TINAGL1: variants seen among roughly 807,000 people sequenced by gnomAD.
TINAGL1 encodes the protein tubulointerstitial nephritis antigen like 1.
TINAGL1 carries 34 observed loss-of-function variants against 62.0 expected under a neutral mutation model. The observed-to-expected ratio is 0.55, with a 90% confidence interval of 0.42 to 0.73. The LOEUF is 0.73. Ranked by LOEUF, TINAGL1 falls within the 30% of genes least tolerant of loss-of-function variation. The pLI, the probability that TINAGL1 is intolerant of heterozygous loss-of-function variation, is 0.00. For synonymous variants in TINAGL1, 221 were observed against 249.7 expected (o/e 0.88, Z 1.08); for missense variants, 516 against 653.2 (o/e 0.79, Z 2.29).
chr1:31,586,508 C>A (rs540740224), intron 10 of TINAGL1: 2 of 637,548 alleles, frequency 3.1e-6, no homozygotes, highest in Admixed American at 2.5e-5. Flanking sequence ...GCCCCACCCC[C>A]TCCCATGCTG....
rs769087943 is a variant in TINAGL1 at position 31,577,427 on chromosome 1, C to T, written c.279C>T (p.Leu93=). 9 of 1,613,126 alleles carry T rather than the reference C, an allele frequency of 5.6e-6. No homozygotes were observed. Among genetic ancestry groups the T allele is most frequent in the Non-Finnish European group, 7.6e-6 (9 of 1,179,564 alleles). The change falls in exon 2 of 12, where the codon CTC becomes CTT. Residue 93 remains leucine (L), a synonymous_variant. Transcript: ENST00000271064. This position sits in a 1 kb window ranked among gnomAD's most constrained non-coding sequence, Gnocchi z 5.4. ...DCCPDFWDFC[L]GVPPPFPPIQ... is the part of the protein sequence containing the mutation. ...GCCCTGACTTCTGGGACTTCTGCCT[C>T]GGCGTGCCACCCCCTTTTCCCCCGA...
rs367871055 is a variant in TINAGL1, at chr1:31,586,666, C to T, written c.1218-44C>T. 224 of 1,553,744 alleles carry T rather than the reference C, an allele frequency of 1.4e-4. 3 individuals are homozygous for T. The African/African-American group carries it at 2.3e-3, about 16-fold the overall frequency. On this transcript the variant is annotated intron_variant, in intron 10 of 11. Transcript: ENST00000271064. ...TTTCCGGGATTGGAGCTCCTGAGAG[C>T]AGGTAGACCCAGCTCCCTTCCCCCT...
chr1:31,578,946 TG>T (rs60732624), intron 2 of TINAGL1, among the ~76,000 whole-genome samples: 1 of 1,104 alleles, frequency 9.1e-4, no homozygotes, highest in East Asian at 2.5e-3. Context: ...AGCTGGTATG[TG>T]TGTGTGTGTG....
chr1:31,580,230 T>TCTCACTG, intron 3 of TINAGL1: 1 of 1,004,016 alleles, frequency 1.0e-6, no homozygotes, highest in Non-Finnish European at 1.3e-6. Context: ...TCTCTCTGTC[T>TCTCACTG]CTCTCTGTCT....
At chr1:31,578,018 C>T (rs1003460879) in intron 2 of TINAGL1, 12 of 248,842 alleles carry the variant, frequency 4.8e-5, no homozygotes, top group African/African-American at 1.6e-4. Context: ...TATCTTAGGA[C>T]GGTTGCTTAC....
At position 31,583,282 on chromosome 1, in the gene TINAGL1, T is replaced by TG; in HGVS notation, c.467+41_467+42insG. Reference sequence around the variant, plus strand: ...GGCACCCTCAGTGGGCACACATGCATACTCATGCATGTATACACGCATGCT... The same window carrying TG: ...GGCACCCTCAGTGGGCACACATGCATGACTCATGCATGTATACACGCATGCT... On this transcript the variant is annotated intron_variant, in intron 4 of 11. Coordinates refer to ENST00000271064, the MANE Select transcript of TINAGL1 (RefSeq NM_022164.3). The surrounding 1 kb of genome is among the most constrained non-coding windows in gnomAD (Gnocchi z 4.4). The TG allele has an allele frequency of 5.7e-6, 9 of 1,587,532 alleles. No homozygotes were observed. Among genetic ancestry groups the TG allele is most frequent in the Non-Finnish European group, 7.8e-6 (9 of 1,155,972 alleles).
chr1:31,585,282 G>T lies in TINAGL1; in HGVS notation c.989G>T (p.Ser330Ile). 2 of 1,612,942 alleles carry T rather than the reference G, an allele frequency of 1.2e-6. No individual in the cohort carries two copies. The highest frequency in any genetic ancestry group is 4.5e-5 in the East Asian group (2 of 44,870). ...CAGGCCACTGCCCACTGCCCCAACA[G>T]CTATGTTAATAACAATGACATCTAC... ...KRQATAHCPN[S>I]YVNNNDIYQV... Residue 330 changes from serine (S) to isoleucine (I), a missense_variant, in exon 8 of 12, where the codon AGC (serine) becomes ATC (isoleucine). Coordinates refer to ENST00000271064, the MANE Select transcript of TINAGL1 (RefSeq NM_022164.3). The surrounding 1 kb of genome is among the most constrained non-coding windows in gnomAD (Gnocchi z 4.3).
chr1:31,580,320 C>T (rs1377790801), intron 3 of TINAGL1: 9 of 1,266,556 alleles, frequency 7.1e-6, no homozygotes, highest in Non-Finnish European at 8.2e-6. Flanking sequence ...CTGCTACCAC[C>T]GGCCCTGCCT....
At chr1:31,579,346 C>G in intron 3 of TINAGL1, 79 bp downstream of exon 3, 1 of 1,329,842 alleles carries the variant, frequency 7.5e-7, no homozygotes, top group African/African-American at 1.5e-5. Context: ...ATCCCTGACC[C>G]CTTTTGCAAG....
Position 31,577,614 on chromosome 1 carries a change from A to C in TINAGL1, c.310+156A>C, listed in dbSNP as rs1004898872. 6.4e-6 allele frequency: 5 copies of C among 785,332 alleles called. No individual in the cohort carries two copies. The African/African-American group carries it at 8.8e-5, about 14-fold the overall frequency. 48.6% of individuals were successfully genotyped at this position (785,332 alleles called of 1,614,324 possible). On this transcript the variant is annotated intron_variant, in intron 2 of 11. Coordinates refer to ENST00000271064, the MANE Select transcript of TINAGL1 (RefSeq NM_022164.3). This position sits in a 1 kb window ranked among gnomAD's most constrained non-coding sequence, Gnocchi z 5.4. ...CCCTCTGGGAACTTTACTCTCCAGCAAGACTGAAGAAGCTCCTTGGTTAGA... is the reference window on the plus strand; with the variant it reads ...CCCTCTGGGAACTTTACTCTCCAGCCAGACTGAAGAAGCTCCTTGGTTAGA...
intron 10 of TINAGL1, chr1:31,586,420 G>A: frequency 1.8e-6 from 1 of 559,518 alleles, no homozygotes; most frequent in Non-Finnish European, 3.2e-6. Context: ...CCATAGAACT[G>A]GCCCCTAGGA....
intron 10 of TINAGL1, chr1:31,586,507 C>G (rs901240589): frequency 3.2e-6 from 2 of 633,766 alleles, no homozygotes; most frequent in African/African-American, 3.7e-5. Flanking sequence ...TGCCCCACCC[C>G]CTCCCATGCT....
chr1:31,583,739 TCC>T lies in TINAGL1; in HGVS notation c.582+165_582+166del. Reference sequence around the variant, plus strand: ...CTTCTCTGGGCCTCTGTTCCCTGCTTCCACAGGATGTGCTGTGCTGGAAGAAC... The same window carrying T: ...CTTCTCTGGGCCTCTGTTCCCTGCTTACAGGATGTGCTGTGCTGGAAGAAC... On this transcript the variant is annotated intron_variant, in intron 5 of 11. Transcript: ENST00000271064. This position sits in a 1 kb window ranked among gnomAD's most constrained non-coding sequence, Gnocchi z 4.4. 1.6e-6 allele frequency: 1 copy of T among 638,640 alleles called. No individual in the cohort carries two copies. Among genetic ancestry groups the T allele is most frequent in the Non-Finnish European group, 2.8e-6 (1 of 363,120 alleles). 39.6% of individuals were successfully genotyped at this position (638,640 alleles called of 1,614,324 possible). A position where few individuals can be genotyped will look rare whatever the true frequency, so the allele number is the denominator to read the frequency against.
Position 31,584,878 on chromosome 1 carries a change from C to A in TINAGL1, c.707-8C>A. ...CCTCCCGACAGCCCCTCTATCTCAC[C>A]CCACCAGCTGTGGCATCCGATCGTG... is the stretch of plus-strand genomic sequence containing the variant. On this transcript the variant is annotated splice_region_variant and splice_polypyrimidine_tract_variant and intron_variant, in intron 6 of 11. Coordinates refer to ENST00000271064, the MANE Select transcript of TINAGL1 (RefSeq NM_022164.3). The surrounding 1 kb of genome is among the most constrained non-coding windows in gnomAD (Gnocchi z 4.0). 6.2e-7 allele frequency: 1 copy of A among 1,611,806 alleles called. No individual in the cohort carries two copies. Among genetic ancestry groups the A allele is most frequent in the Non-Finnish European group, 8.5e-7 (1 of 1,178,046 alleles).
In TINAGL1 at chr1:31,585,396, T is replaced by C. The variant is rs1178842963; in HGVS notation, c.1048-44T>C. The C allele has an allele frequency of 1.2e-6, 2 of 1,609,880 alleles. No homozygotes were observed. The highest frequency in any genetic ancestry group is 2.2e-5 in the East Asian group (1 of 44,794). ...GCAGGAGGGTTGTGAAAGCCTGGAGTCTCACCCCTGACGTATGCTCTCTGT... is the reference window on the plus strand; with the variant it reads ...GCAGGAGGGTTGTGAAAGCCTGGAGCCTCACCCCTGACGTATGCTCTCTGT... On this transcript the variant is annotated intron_variant, in intron 8 of 11. Transcript: ENST00000271064. This position sits in a 1 kb window ranked among gnomAD's most constrained non-coding sequence, Gnocchi z 4.3.
chr1:31,585,156 T>C lies in TINAGL1; in HGVS notation c.863T>C (p.Val288Ala), dbSNP rs749433830. The C allele has an allele frequency of 1.6e-5, 26 of 1,578,910 alleles. No homozygotes were observed. Among genetic ancestry groups the C allele is most frequent in the East Asian group, 1.3e-4 (6 of 44,468 alleles). ...AWWFLRRRGVVSDHCYPFSGR... is the reference protein window; with the variant it reads ...AWWFLRRRGVASDHCYPFSGR... ...CCCTCTTGCTGCCTTTGCAGGGTGG[T>C]GTCTGACCACTGCTACCCCTTCTCG... is the stretch of plus-strand genomic sequence containing the variant. Residue 288 changes from valine to alanine, a missense_variant, in exon 8 of 12, where the codon GTG becomes GCG. Coordinates refer to ENST00000271064, the MANE Select transcript of TINAGL1 (RefSeq NM_022164.3). This position sits in a 1 kb window ranked among gnomAD's most constrained non-coding sequence, Gnocchi z 4.3.
chr1:31,581,127 T>C (rs1323753311), intron 3 of TINAGL1, among the ~76,000 whole-genome samples: 2 of 151,722 alleles, frequency 1.3e-5, no homozygotes, highest in Admixed American at 1.3e-4. Flanking sequence ...GGAGCTGGGG[T>C]AGGGGAGAGA....
intron 3 of TINAGL1, among the ~76,000 whole-genome samples, chr1:31,581,594 G>A (rs751209001): frequency 2.6e-5 from 4 of 152,220 alleles, no homozygotes; most frequent in Non-Finnish European, 4.4e-5. Flanking sequence ...CACATCCAGA[G>A]ATGTCAGAAG....
In TINAGL1 at chr1:31,583,281, A is replaced by G; in HGVS notation, c.467+40A>G. On this transcript the variant is annotated intron_variant, in intron 4 of 11. Coordinates refer to ENST00000271064, the MANE Select transcript of TINAGL1 (RefSeq NM_022164.3). The surrounding 1 kb of genome is among the most constrained non-coding windows in gnomAD (Gnocchi z 4.4). Reference sequence around the variant, plus strand: ...AGGCACCCTCAGTGGGCACACATGCATACTCATGCATGTATACACGCATGC... The same window carrying G: ...AGGCACCCTCAGTGGGCACACATGCGTACTCATGCATGTATACACGCATGC... 6.3e-7 allele frequency: 1 copy of G among 1,588,756 alleles called. No individual in the cohort carries two copies. Among genetic ancestry groups the G allele is most frequent in the Non-Finnish European group, 8.6e-7 (1 of 1,157,128 alleles).
Sources: gnomAD v4.1 joint callset for allele counts (sites outside exome capture counted in the v4.1 genomes callset) on GRCh38, gnomAD v4.1.1 for gene constraint, Gnocchi (gnomAD v3.1) non-coding constraint, MANE v1.5 for transcripts, NCBI Gene and HGNC (gene_info 2026-07-23, HGNC 2026-07-21) for gene names.